Variants in CHLSN observed in about 807,000 individuals in gnomAD.
The protein encoded by CHLSN is cholesin.
At chr7:1,017,676 C>T in the CHLSN span, among the ~76,000 whole-genome samples, 13 of 152,242 alleles carry the variant, frequency 8.5e-5, no homozygotes, top group African/African-American at 3.1e-4. Context: ...GAGACTTCTC[C>T]AGTGGGATCA....
At chr7:1,087,784 C>T in the CHLSN span, among the ~76,000 whole-genome samples, 3 of 152,206 alleles carry the variant, frequency 2.0e-5, no homozygotes, top group South Asian at 2.1e-4. Flanking sequence ...TAGTGTTTAA[C>T]GCAGGTCAGT....
At chr7:985,202 C>T in the CHLSN span, 31 of 1,564,456 alleles carry the variant, frequency 2.0e-5, no homozygotes, top group Admixed American at 5.0e-4. Flanking sequence ...GGCTGGGCTC[C>T]CTCCAATATC....
chr7:982,583 G>A, the CHLSN span, among the ~76,000 whole-genome samples: 1 of 152,272 alleles, frequency 6.6e-6, no homozygotes, highest in Non-Finnish European at 1.5e-5. Context: ...CCCTCGAAAA[G>A]GAGCAGGCTG....
At chr7:1,064,759 T>G in the CHLSN span, among the ~76,000 whole-genome samples, 1 of 152,182 alleles carries the variant, frequency 6.6e-6, no homozygotes, top group Middle Eastern at 3.4e-3. Context: ...GGACGCCCCA[T>G]GGACACGAGG....
chr7:1,005,101 T>C, the CHLSN span, among the ~76,000 whole-genome samples: 2 of 152,142 alleles, frequency 1.3e-5, no homozygotes, highest in Non-Finnish European at 2.9e-5. Context: ...ACCATCTTGG[T>C]TAATACGGTG....
the CHLSN span, among the ~76,000 whole-genome samples, chr7:1,084,136 C>T: frequency 1.1e-4 from 16 of 152,220 alleles, no homozygotes; most frequent in Non-Finnish European, 2.1e-4. Flanking sequence ...GCCACTGGTG[C>T]GGCAAAACCC....
At chr7:991,151 C>A in the CHLSN span, among the ~76,000 whole-genome samples, 2 of 152,112 alleles carry the variant, frequency 1.3e-5, no homozygotes, top group African/African-American at 4.8e-5. Context: ...CCTGTCCCGC[C>A]CCGCTTCATG....
chr7:1,016,106 G>GCAGCGCACGC, the CHLSN span, among the ~76,000 whole-genome samples: 1 of 86,994 alleles, frequency 1.1e-5, no homozygotes, highest in Non-Finnish European at 2.2e-5. Flanking sequence ...GCAGCACACA[G>GCAGCGCACGC]CAGCGCACAG....
At chr7:988,659 G>A in the CHLSN span, 28 of 1,601,230 alleles carry the variant, frequency 1.7e-5, no homozygotes, top group Admixed American at 8.3e-5. Flanking sequence ...GTTGGGGAGC[G>A]CCTGGCCAGG....
the CHLSN span, chr7:1,055,352 G>T: frequency 2.1e-6 from 1 of 470,920 alleles, no homozygotes; most frequent in Non-Finnish European, 4.4e-6. Context: ...ATAAGAGCCT[G>T]CGGGTTTGCA....
the CHLSN span, among the ~76,000 whole-genome samples, chr7:999,035 T>C: frequency 6.6e-6 from 1 of 152,210 alleles, no homozygotes; most frequent in Non-Finnish European, 1.5e-5. Context: ...TGCACATTTG[T>C]GTGTTTGTAA....
At chr7:1,114,793 G>A in the CHLSN span, among the ~76,000 whole-genome samples, 9 of 152,246 alleles carry the variant, frequency 5.9e-5, no homozygotes, top group East Asian at 1.9e-4. Context: ...CATTCTGCCC[G>A]GGCGATGGGC....
the CHLSN span, chr7:997,768 G>C: frequency 6.2e-7 from 1 of 1,609,272 alleles, no homozygotes; most frequent in Non-Finnish European, 8.5e-7. Context: ...AGCCCCTCCA[G>C]GTAGGCCAGC....
At chr7:1,092,430 C>A in the CHLSN span, 1 of 1,608,918 alleles carries the variant, frequency 6.2e-7, no homozygotes, top group Non-Finnish European at 8.5e-7. Flanking sequence ...GCCTGTGCTA[C>A]TCCCTCATTG....
At chr7:1,136,084 A>G in the CHLSN span, among the ~76,000 whole-genome samples, 25 of 114,180 alleles carry the variant, frequency 2.2e-4, no homozygotes, top group Non-Finnish European at 9.7e-5. Context: ...GTATATATAA[A>G]TTTATATAAA....
the CHLSN span, among the ~76,000 whole-genome samples, chr7:1,100,069 T>C: frequency 6.6e-6 from 1 of 152,112 alleles, no homozygotes; most frequent in Non-Finnish European, 1.5e-5. Context: ...GCAAGCCAAA[T>C]GGGAGGGAGA....
At chr7:1,092,252 G>A in the CHLSN span, 24 of 1,612,214 alleles carry the variant, frequency 1.5e-5, no homozygotes, top group Non-Finnish European at 1.7e-5. Flanking sequence ...CACCACGCCC[G>A]GCTGAGCTGT....
the CHLSN span, among the ~76,000 whole-genome samples, chr7:1,018,759 T>G: frequency 1.3e-5 from 2 of 151,610 alleles, no homozygotes; most frequent in African/African-American, 2.4e-5. Context: ...TACCCCAGCC[T>G]GGATGAGAGT....
chr7:1,091,411 C>G, the CHLSN span: 1 of 296,562 alleles, frequency 3.4e-6, no homozygotes, highest in Admixed American at 4.6e-5. Flanking sequence ...CTCCAGGTAC[C>G]CAGAGAGTGA....
Sources: gnomAD v4.1 joint callset for allele counts (sites outside exome capture counted in the v4.1 genomes callset) on GRCh38, gnomAD v4.1.1 for gene constraint, MANE v1.5 for transcripts, NCBI Gene and HGNC (gene_info 2026-07-23, HGNC 2026-07-21) for gene names.